The following SLC30A7 variants were observed in gnomAD, a reference collection of about 807,000 sequenced individuals.
SLC30A7 encodes the protein solute carrier family 30 member 7.
In SLC30A7, 35 loss-of-function variants were observed where a neutral mutation model predicts 46.0. The ratio of observed to expected loss-of-function variants is 0.76; its 90% CI spans 0.58 to 1.01. The LOEUF (loss-of-function observed/expected upper bound fraction) is 1.01, where lower values mean the gene tolerates loss of function less well. SLC30A7 is among the 50% of genes least tolerant of loss of function. The pLI is 0.00. For synonymous variants in SLC30A7, 147 were observed against 157.8 expected (o/e 0.93, Z 0.51); for missense variants, 464 against 451.1 (o/e 1.03, Z -0.26).
intron 3 of SLC30A7, among the ~76,000 whole-genome samples, chr1:100,909,259 G>A (rs76870141): frequency 0.056 from 8,557 of 152,178 alleles, 360 homozygotes; most frequent in Middle Eastern, 0.099. Flanking sequence ...GATGACTGCT[G>A]TAGCTGACTG....
Position 100,979,057 on chromosome 1 carries a change from T to A in SLC30A7, c.*4200T>A. ...GGCTTCCAGTCACTGGAAAAGCTTTTGCATTTTAAAGATTTTTAGAGCCAT... is the reference window on the plus strand; with the variant it reads ...GGCTTCCAGTCACTGGAAAAGCTTTAGCATTTTAAAGATTTTTAGAGCCAT... On this transcript the variant is annotated 3_prime_UTR_variant, in exon 11 of 11. Coordinates refer to ENST00000357650, the MANE Select transcript of SLC30A7 (RefSeq NM_133496.5). 6.6e-6 allele frequency: 1 copy of A among 152,158 alleles called. No homozygotes were observed. The highest frequency in any genetic ancestry group is 1.9e-4 in the East Asian group (1 of 5,198). 9.4% of individuals were successfully genotyped at this position (152,158 alleles called of 1,614,324 possible).
At chr1:100,960,073 A>G (rs983301715) in intron 8 of SLC30A7, among the ~76,000 whole-genome samples, 3 of 152,180 alleles carry the variant, frequency 2.0e-5, no homozygotes, top group Non-Finnish European at 2.9e-5. Context: ...TTAAATCACT[A>G]TTGACTAAAT....
intron 3 of SLC30A7, among the ~76,000 whole-genome samples, chr1:100,908,510 A>C (rs1425572993): frequency 6.6e-6 from 1 of 152,310 alleles, no homozygotes; most frequent in African/African-American, 2.4e-5. Flanking sequence ...AGTTATAAGC[A>C]AGGGATATGG....
intron 8 of SLC30A7, among the ~76,000 whole-genome samples, chr1:100,928,138 G>A (rs1230808239): frequency 6.6e-6 from 1 of 152,180 alleles, no homozygotes; most frequent in African/African-American, 2.4e-5. Flanking sequence ...CTGAAGGGGG[G>A]CAATCAGGAA....
intron 7 of SLC30A7, among the ~76,000 whole-genome samples, chr1:100,920,581 A>T (rs1011443916): frequency 2.9e-4 from 44 of 152,128 alleles, no homozygotes; most frequent in African/African-American, 1.1e-3. Flanking sequence ...ATAATATTTG[A>T]TATAAATTTC....
intron 8 of SLC30A7, among the ~76,000 whole-genome samples, chr1:100,952,217 A>T (rs1654992955): frequency 6.6e-6 from 1 of 152,238 alleles, no homozygotes; most frequent in Admixed American, 6.5e-5. Context: ...ATACATACAC[A>T]CACGCACAAA....
At chr1:100,910,562 T>C (rs1652016652) in intron 3 of SLC30A7, among the ~76,000 whole-genome samples, 1 of 152,154 alleles carries the variant, frequency 6.6e-6, no homozygotes, top group Non-Finnish European at 1.5e-5. Flanking sequence ...CAGAAATAAT[T>C]TTATTTTCCT....
chr1:100,913,160 G>A (rs1229885109), intron 5 of SLC30A7, among the ~76,000 whole-genome samples: 4 of 152,236 alleles, frequency 2.6e-5, no homozygotes, highest in African/African-American at 9.6e-5. Context: ...CTGCTTTAAT[G>A]TAATTTTACT....
the SLC30A7 span, chr1:100,990,243 T>C: frequency 9.4e-6 from 6 of 637,200 alleles, no homozygotes; most frequent in Non-Finnish European, 1.6e-5. Context: ...CTCACTATCA[T>C]GAGAATAGCA....
At chr1:100,953,712 G>A (rs898739870) in intron 8 of SLC30A7, among the ~76,000 whole-genome samples, 7 of 152,052 alleles carry the variant, frequency 4.6e-5, no homozygotes, top group African/African-American at 1.4e-4. Context: ...TCTCAAAGCC[G>A]TGTATATTTT....
chr1:100,907,069 A>G, intron 3 of SLC30A7, 104 bp downstream of exon 3: 1 of 739,168 alleles, frequency 1.4e-6, no homozygotes, highest in South Asian at 1.8e-5. Context: ...CACAGGTGTA[A>G]CTTTTGAATC....
At chr1:100,973,651 C>G (rs1453636717) in intron 10 of SLC30A7, among the ~76,000 whole-genome samples, 1 of 152,012 alleles carries the variant, frequency 6.6e-6, no homozygotes, top group Non-Finnish European at 1.5e-5. Context: ...AGGTATTTAC[C>G]AGCTCTTGTA....
At chr1:100,973,400 A>T (rs529390089) in intron 10 of SLC30A7, among the ~76,000 whole-genome samples, 1 of 152,168 alleles carries the variant, frequency 6.6e-6, no homozygotes, top group Admixed American at 6.6e-5. Flanking sequence ...AATTAAAAAT[A>T]GATCATTTTG....
intron 9 of SLC30A7, among the ~76,000 whole-genome samples, chr1:100,963,815 G>T (rs1205389008): frequency 6.6e-6 from 1 of 152,122 alleles, no homozygotes; most frequent in Non-Finnish European, 1.5e-5. Context: ...TAGAACATGT[G>T]CATTAACTGA....
chr1:100,923,370 G>A (rs780439895), intron 8 of SLC30A7, among the ~76,000 whole-genome samples: 1 of 151,746 alleles, frequency 6.6e-6, no homozygotes, highest in Non-Finnish European at 1.5e-5. Context: ...AGTCATAAAT[G>A]GAGATTTTTT....
At chr1:100,933,868 A>G (rs1378378444) in intron 8 of SLC30A7, among the ~76,000 whole-genome samples, 1 of 152,232 alleles carries the variant, frequency 6.6e-6, no homozygotes, top group Non-Finnish European at 1.5e-5. Context: ...TGTCCTAACA[A>G]TTCTTTAAGG....
At position 100,952,901 on chromosome 1, in the gene SLC30A7, A is replaced by G. The variant is rs557070061; in HGVS notation, c.843-8927A>G. Among the ~76,000 whole-genome samples, 9 of 152,334 alleles carry G rather than the reference A, an allele frequency of 5.9e-5. No individual in the cohort carries two copies. The South Asian group carries it at 1.7e-3, about 28-fold the overall frequency. On this transcript the variant is annotated intron_variant, in intron 8 of 10. Coordinates refer to ENST00000357650, the MANE Select transcript of SLC30A7 (RefSeq NM_133496.5). ...GAACACTATGTAGATTGGATCAAAT[A>G]TAAGTATACCATTTTTAACTTGTAC...
At chr1:100,904,146 C>T (rs1015459920) in intron 2 of SLC30A7, among the ~76,000 whole-genome samples, 6 of 152,208 alleles carry the variant, frequency 3.9e-5, no homozygotes, top group South Asian at 2.1e-4. Flanking sequence ...TTACTGGTCA[C>T]GGAACTAGTA....
chr1:100,940,850 G>A (rs1284468579), intron 8 of SLC30A7, among the ~76,000 whole-genome samples: 1 of 152,144 alleles, frequency 6.6e-6, no homozygotes, highest in Non-Finnish European at 1.5e-5. Context: ...TAGTTTTCAT[G>A]TTTTTTGCCC....
Sources: allele counts gnomAD v4.1 joint callset (sites outside exome capture counted in the v4.1 genomes callset), GRCh38; gene constraint gnomAD v4.1.1; transcripts MANE v1.5; gene names NCBI Gene and HGNC (gene_info 2026-07-23, HGNC 2026-07-21).